Variants in PACRG observed in about 807,000 individuals in gnomAD.
PACRG encodes parkin coregulated gene protein.
PACRG carries 29 observed loss-of-function variants against 29.7 expected under a neutral mutation model. The ratio of observed to expected loss-of-function variants is 0.98; its 90% CI spans 0.73 to 1.33. The LOEUF is 1.33. Ranked by LOEUF, PACRG falls within the 40% of genes most tolerant of loss-of-function variation. The probability of loss-of-function intolerance (pLI) is 0.00; values close to 1 mark genes in which losing one functional copy is unlikely to be tolerated. For missense variants in PACRG, 279 were observed against 316.2 expected, an observed-to-expected ratio of 0.88 and a Z score of 0.89; for synonymous variants, 116 against 118.7, an observed-to-expected ratio of 0.98 and a Z score of 0.15.
intron 2 of PACRG, among the ~76,000 whole-genome samples, chr6:162,998,505 T>G (rs1163907796): frequency 6.6e-6 from 1 of 152,234 alleles, no homozygotes; most frequent in Non-Finnish European, 1.5e-5. Flanking sequence ...AGAGAGAAGT[T>G]GCTTGTAAAC....
chr6:163,273,185 G>A (rs577012991), intron 4 of PACRG, among the ~76,000 whole-genome samples: 2 of 152,218 alleles, frequency 1.3e-5, no homozygotes, highest in South Asian at 2.1e-4. Context: ...GAGCCACCGC[G>A]CCCGGCCTGC....
chr6:162,735,841 T>A (rs547299720), intron 1 of PACRG, among the ~76,000 whole-genome samples: 2 of 152,178 alleles, frequency 1.3e-5, no homozygotes, highest in Non-Finnish European at 2.9e-5. Flanking sequence ...GTGAAATACA[T>A]ATACATTAAG....
At chr6:163,282,314 T>A (rs1562357284) in intron 4 of PACRG, among the ~76,000 whole-genome samples, 1 of 152,214 alleles carries the variant, frequency 6.6e-6, no homozygotes, top group Non-Finnish European at 1.5e-5. Context: ...AGTGAAAATC[T>A]AAATGAAGTC....
At chr6:162,979,343 T>C (rs565096832) in intron 2 of PACRG, among the ~76,000 whole-genome samples, 20 of 152,320 alleles carry the variant, frequency 1.3e-4, no homozygotes, top group African/African-American at 4.8e-4. Flanking sequence ...TGAAGAAGTC[T>C]ATTTGGATCT....
chr6:163,196,304 C>T (rs1780451182), intron 4 of PACRG, among the ~76,000 whole-genome samples: 1 of 152,234 alleles, frequency 6.6e-6, no homozygotes, highest in Non-Finnish European at 1.5e-5. Flanking sequence ...CGTCGTCCCT[C>T]CCCTGGTCAA....
intron 2 of PACRG, among the ~76,000 whole-genome samples, chr6:162,872,840 A>G (rs573291364): frequency 1.3e-5 from 2 of 152,186 alleles, no homozygotes; most frequent in Non-Finnish European, 2.9e-5. Context: ...ATAAAGAGAC[A>G]TGAATAGAGT....
At chr6:162,942,500 C>G (rs1353645661) in intron 2 of PACRG, among the ~76,000 whole-genome samples, 6 of 152,140 alleles carry the variant, frequency 3.9e-5, no homozygotes, top group Non-Finnish European at 8.8e-5. Context: ...ATAACCAGCT[C>G]CCAAACCTAT....
chr6:162,981,305 A>ATATATATATATATT (rs925663285), intron 2 of PACRG, among the ~76,000 whole-genome samples: 313 of 149,160 alleles, frequency 2.1e-3, no homozygotes, highest in African/African-American at 7.4e-3. Flanking sequence ...ATATATATAT[A>ATATATATATATATT]TTTACAATGG....
At chr6:162,995,608 G>T (rs1231746742) in intron 2 of PACRG, among the ~76,000 whole-genome samples, 1 of 152,224 alleles carries the variant, frequency 6.6e-6, no homozygotes, top group African/African-American at 2.4e-5. Flanking sequence ...CTCGCGCCTG[G>T]TGCGTGCACC....
In PACRG at chr6:163,014,031, A is replaced by T. The variant is rs111242468; in HGVS notation, c.292-48119A>T. Among the ~76,000 whole-genome samples the T allele has an allele frequency of 6.8e-3, 1,035 of 152,288 alleles. 14 individuals carry two copies. Among genetic ancestry groups the T allele is most frequent in the African/African-American group, 0.023 (975 of 41,572 alleles). ...ATTTTGTAATATACGTCACATAGGA[A>T]CATCTTCCTTAAAATTTTTCAATAT... On this transcript the variant is annotated intron_variant, in intron 2 of 4. Coordinates refer to ENST00000366888, the MANE Select transcript of PACRG (RefSeq NM_001080379.2).
chr6:162,861,639 C>A lies in PACRG; in HGVS notation c.291+47358C>A, dbSNP rs528375677. Among the ~76,000 whole-genome samples, 32 of 152,282 alleles carry A rather than the reference C, an allele frequency of 2.1e-4. No individual in the cohort carries two copies. In the South Asian group the frequency reaches 3.1e-3, roughly 15 times the overall value. On this transcript the variant is annotated intron_variant, in intron 2 of 4. Transcript: ENST00000366888. Reference sequence around the variant, plus strand: ...ACGTGGAAGCTCTAAGCAAAACCCACCTCCCTCTGCCTCACCACCCACCTC... The same window carrying A: ...ACGTGGAAGCTCTAAGCAAAACCCAACTCCCTCTGCCTCACCACCCACCTC...
intron 1 of PACRG, among the ~76,000 whole-genome samples, chr6:162,731,779 A>G (rs1369365964): frequency 6.6e-6 from 1 of 152,184 alleles, no homozygotes; most frequent in Non-Finnish European, 1.5e-5. Context: ...AGTGGTAATC[A>G]TCAATATTTA....
chr6:163,064,036 A>G (rs1811319891), intron 3 of PACRG, among the ~76,000 whole-genome samples: 1 of 151,654 alleles, frequency 6.6e-6, no homozygotes, highest in Non-Finnish European at 1.5e-5. Flanking sequence ...CGCAGGAACT[A>G]TTTGTTCTTT....
At chr6:163,241,145 T>C (rs1021884389) in intron 4 of PACRG, among the ~76,000 whole-genome samples, 3 of 152,152 alleles carry the variant, frequency 2.0e-5, no homozygotes, top group Non-Finnish European at 2.9e-5. Flanking sequence ...TTATATACCA[T>C]GTAAATTTCA....
chr6:162,733,974 G>A (rs1483290034), intron 1 of PACRG, among the ~76,000 whole-genome samples: 1 of 152,096 alleles, frequency 6.6e-6, no homozygotes, highest in African/African-American at 2.4e-5. Flanking sequence ...AGCCCCAGAA[G>A]GGCAGGAATT....
intron 2 of PACRG, among the ~76,000 whole-genome samples, chr6:163,012,622 C>T (rs1034079994): frequency 2.0e-5 from 3 of 152,244 alleles, no homozygotes; most frequent in African/African-American, 7.2e-5. Context: ...CCAGTGGCTA[C>T]ATTCAATGTT....
In PACRG at chr6:163,100,746, A is replaced by G. The variant is rs575361867; in HGVS notation, c.613+11338A>G. Reference sequence around the variant, plus strand: ...TTTATTGCCTTTCTTAAAAATCTGTAATTTTTACTTTGACAGAATGGAATA... The same window carrying G: ...TTTATTGCCTTTCTTAAAAATCTGTGATTTTTACTTTGACAGAATGGAATA... On this transcript the variant is annotated intron_variant, in intron 4 of 4. Coordinates refer to ENST00000366888, the MANE Select transcript of PACRG (RefSeq NM_001080379.2). 1.6e-4 allele frequency: 154 copies of G among 966,326 alleles called. 4 individuals are homozygous for G. In the South Asian group the frequency reaches 6.3e-3, roughly 39 times the overall value. The allele number at this position is 966,326 out of a possible 1,614,324, so 59.9% of individuals were successfully genotyped here. A position where few individuals can be genotyped will look rare whatever the true frequency, so the allele number is the denominator to read the frequency against.
rs530472897 is a variant in PACRG at position 163,072,952 on chromosome 6, A to C, written c.463+10631A>C. On this transcript the variant is annotated intron_variant, in intron 3 of 4. Transcript: ENST00000366888. ...AAAACATTGATGCAAGAAATTGAAG[A>C]GGACACCAAAAAATGGAAAGATATT... is the stretch of plus-strand genomic sequence containing the variant. Among the ~76,000 whole-genome samples, 250 of 152,306 alleles carry C rather than the reference A, an allele frequency of 1.6e-3. 1 individual carries two copies. The highest frequency in any genetic ancestry group is 3.4e-3 in the Middle Eastern group (1 of 294).
chr6:162,959,685 G>A (rs1015133868), intron 2 of PACRG, among the ~76,000 whole-genome samples: 4 of 152,182 alleles, frequency 2.6e-5, no homozygotes, highest in Non-Finnish European at 5.9e-5. Context: ...AGAGGAGCAA[G>A]TGTAGGAAAA....
Sources: allele counts gnomAD v4.1 joint callset (sites outside exome capture counted in the v4.1 genomes callset), GRCh38; gene constraint gnomAD v4.1.1; transcripts MANE v1.5; gene names NCBI Gene and HGNC (gene_info 2026-07-23, HGNC 2026-07-21).